The following NSUN2 variants were observed in gnomAD, a reference collection of about 807,000 sequenced individuals.
The protein encoded by NSUN2 is NOP2/Sun RNA methyltransferase 2, also known as RNA cytosine C(5)-methyltransferase NSUN2.
NSUN2 carries 63 observed loss-of-function variants against 92.7 expected under a neutral mutation model. The observed-to-expected ratio is 0.68, with a 90% confidence interval of 0.56 to 0.84. The LOEUF is 0.84. Among genes scored for constraint, NSUN2 ranks in the 40% least tolerant of loss-of-function variants. The probability of loss-of-function intolerance (pLI) is 0.00; values close to 1 mark genes in which losing one functional copy is unlikely to be tolerated. For missense variants in NSUN2, 989 were observed against 964.9 expected (o/e 1.02, Z -0.33); for synonymous variants, 356 against 348.3 (o/e 1.02, Z -0.25).
chr5:6,605,070 C>A (rs1442130631), intron 15 of NSUN2: 20 of 701,194 alleles, frequency 2.9e-5, no homozygotes, highest in Non-Finnish European at 4.8e-5. Context: ...ACACAGGCCA[C>A]CAGATTCAGG....
intron 12 of NSUN2, among the ~76,000 whole-genome samples, chr5:6,609,556 T>C (rs994264555): frequency 2.0e-5 from 3 of 152,236 alleles, no homozygotes; most frequent in Non-Finnish European, 4.4e-5. Context: ...TCATGTCTTT[T>C]CAATTTTTAT....
chr5:6,617,593 C>T (rs1444823422), intron 8 of NSUN2, among the ~76,000 whole-genome samples: 1 of 151,998 alleles, frequency 6.6e-6, no homozygotes, highest in Non-Finnish European at 1.5e-5. Flanking sequence ...TCTAAGAGAT[C>T]AAAATGTCTC....
intron 9 of NSUN2, among the ~76,000 whole-genome samples, chr5:6,616,073 A>T (rs904940004): frequency 6.6e-6 from 1 of 152,172 alleles, no homozygotes; most frequent in African/African-American, 2.4e-5. Flanking sequence ...AGCCACTGTG[A>T]AAAAAAGCAT....
intron 10 of NSUN2, 125 bp downstream of exon 10, chr5:6,611,600 T>G: frequency 1.4e-6 from 1 of 717,234 alleles, no homozygotes; most frequent in South Asian, 1.8e-5. Context: ...CGAAATTGAT[T>G]CTAATTGGCA....
In NSUN2 at chr5:6,609,820, A is replaced by C. The variant is rs775560466; in HGVS notation, c.1323+6T>G. 5 of 1,604,010 alleles carry C rather than the reference A, an allele frequency of 3.1e-6. No individual in the cohort carries two copies. In the South Asian group the frequency reaches 4.5e-5, roughly 14 times the overall value. ...GTTATGTCATTTTGGAAAAAGAAAAACTCACCTTTGGCTGACGTTTATTCC... is the reference window on the plus strand; with the variant it reads ...GTTATGTCATTTTGGAAAAAGAAAACCTCACCTTTGGCTGACGTTTATTCC... On this transcript the variant is annotated splice_donor_region_variant and intron_variant, in intron 12 of 18. Transcript: ENST00000264670.
chr5:6,632,370 C>T (rs189344527), intron 2 of NSUN2, among the ~76,000 whole-genome samples: 1 of 152,224 alleles, frequency 6.6e-6, no homozygotes, highest in African/African-American at 2.4e-5. Flanking sequence ...CCCCAGGAGC[C>T]GAATCTTCCT....
At chr5:6,628,822 T>C (rs1212461780) in intron 3 of NSUN2, among the ~76,000 whole-genome samples, 1 of 152,162 alleles carries the variant, frequency 6.6e-6, no homozygotes, top group Non-Finnish European at 1.5e-5. Context: ...GCAGGAAGAT[T>C]GCTTGAGCCC....
intron 11 of NSUN2, among the ~76,000 whole-genome samples, chr5:6,610,277 A>G (rs1446443143): frequency 6.6e-6 from 1 of 151,328 alleles, no homozygotes. Flanking sequence ...GGGTCTTGCC[A>G]TGTCGTCCAG....
chr5:6,632,174 C>A (rs753561806), intron 2 of NSUN2, among the ~76,000 whole-genome samples, 197 bp from the exon 3 acceptor site: 1 of 151,380 alleles, frequency 6.6e-6, no homozygotes, highest in Non-Finnish European at 1.5e-5. Flanking sequence ...CTAAGAGCAA[C>A]ACTGCATTCC....
At chr5:6,605,210 G>T in intron 15 of NSUN2, 63 bp downstream of exon 15, 1 of 1,593,196 alleles carries the variant, frequency 6.3e-7, no homozygotes. Flanking sequence ...TGAAATCTAA[G>T]CCGCTGTGAA....
chr5:6,617,655 T>G (rs1579369789), intron 8 of NSUN2, among the ~76,000 whole-genome samples: 1 of 152,196 alleles, frequency 6.6e-6, no homozygotes, highest in Admixed American at 6.5e-5. Flanking sequence ...AGATTAGTAA[T>G]GCATACATCA....
chr5:6,602,615 TA>T (rs1736603339), intron 17 of NSUN2, 115 bp from the exon 18 acceptor site: 4 of 973,258 alleles, frequency 4.1e-6, no homozygotes, highest in Non-Finnish European at 6.6e-6. Context: ...AAACAACAAA[TA>T]ATCTACATTC....
intron 3 of NSUN2, 52 bp downstream of exon 3, chr5:6,631,821 T>G: frequency 7.8e-7 from 1 of 1,278,652 alleles, no homozygotes; most frequent in South Asian, 1.2e-5. Flanking sequence ...ATTCAAGTGA[T>G]AGAGATTAAT....
At chr5:6,609,981 T>G (rs745536601) in intron 11 of NSUN2, 59 bp from the exon 12 acceptor site, 277 of 1,158,204 alleles carry the variant, frequency 2.4e-4, no homozygotes, top group Non-Finnish European at 3.3e-4. Context: ...TCTTTTACTA[T>G]TAAGACAAAT....
At position 6,607,305 on chromosome 5, in the gene NSUN2, G is replaced by A; in HGVS notation, c.1403C>T (p.Pro468Leu). ...ADLTEGKPTD[P>L]SKLESPSFTG... Reference sequence around the variant, plus strand: ...GAATGACGGACTTTCCAGCTTAGAGGGATCTGTGGGTTTCCCTTCTGTGAG... The same window carrying A: ...GAATGACGGACTTTCCAGCTTAGAGAGATCTGTGGGTTTCCCTTCTGTGAG... The change falls in exon 13 of 19, where the codon CCC becomes CTC. Residue 468 changes from proline to leucine, a missense_variant. Coordinates refer to ENST00000264670, the MANE Select transcript of NSUN2 (RefSeq NM_017755.6). 6.2e-7 allele frequency: 1 copy of A among 1,614,168 alleles called. No individual in the cohort carries two copies. Among genetic ancestry groups the A allele is most frequent in the Non-Finnish European group, 8.5e-7 (1 of 1,180,022 alleles).
At chr5:6,621,769 C>A in intron 6 of NSUN2, 1 of 396,020 alleles carries the variant, frequency 2.5e-6, no homozygotes, top group Non-Finnish European at 4.5e-6. Flanking sequence ...AAAGAAATGC[C>A]ATTCGTTTTT....
At chr5:6,623,556 C>A (rs1433441411) in intron 4 of NSUN2, among the ~76,000 whole-genome samples, 1 of 152,178 alleles carries the variant, frequency 6.6e-6, no homozygotes, top group Non-Finnish European at 1.5e-5. Flanking sequence ...AGCCCCAACT[C>A]CCCATAGCAG....
intron 3 of NSUN2, among the ~76,000 whole-genome samples, chr5:6,631,069 G>A (rs1348277818): frequency 6.6e-6 from 1 of 152,162 alleles, no homozygotes; most frequent in Non-Finnish European, 1.5e-5. Flanking sequence ...TCTCCAGCCT[G>A]GGCGACAGAG....
chr5:6,632,295 T>C (rs551007171), intron 2 of NSUN2, among the ~76,000 whole-genome samples: 24 of 152,304 alleles, frequency 1.6e-4, no homozygotes, highest in Middle Eastern at 3.4e-3. Context: ...AGGGGTTTTA[T>C]GCATTCTCTA....
Sources: allele counts gnomAD v4.1 joint callset (sites outside exome capture counted in the v4.1 genomes callset), GRCh38; gene constraint gnomAD v4.1.1; transcripts MANE v1.5; gene names NCBI Gene and HGNC (gene_info 2026-07-23, HGNC 2026-07-21).